The following LDB2 variants were observed in gnomAD, a reference collection of about 807,000 sequenced individuals.
The protein encoded by LDB2 is LIM domain-binding protein 2.
In LDB2, 12 loss-of-function variants were observed where a neutral mutation model predicts 44.3. The ratio of observed to expected loss-of-function variants is 0.27; its 90% confidence interval spans 0.17 to 0.44. LDB2 has a LOEUF of 0.44. Among genes scored for constraint, LDB2 ranks in the 20% least tolerant of loss-of-function variants. LDB2 has a pLI of 1.00. For missense variants in LDB2, 344 were observed against 473.5 expected (o/e 0.73, Z 2.54); for synonymous variants, 164 against 174.8 (o/e 0.94, Z 0.49).
intron 2 of LDB2, among the ~76,000 whole-genome samples, chr4:16,600,262 C>T (rs910706226): frequency 6.6e-6 from 1 of 152,074 alleles, no homozygotes; most frequent in Non-Finnish European, 1.5e-5. Context: ...ATACTTTAAT[C>T]CCTGGAATTA....
intron 1 of LDB2, among the ~76,000 whole-genome samples, chr4:16,768,138 A>G (rs1411164481): frequency 1.3e-5 from 2 of 152,160 alleles, no homozygotes; most frequent in Non-Finnish European, 2.9e-5. Flanking sequence ...TGTGGTACAC[A>G]TACACCCCCT....
chr4:16,548,933 A>C (rs1736717802), intron 5 of LDB2, among the ~76,000 whole-genome samples: 1 of 152,268 alleles, frequency 6.6e-6, no homozygotes, highest in South Asian at 2.1e-4. Flanking sequence ...AGAGCATAGA[A>C]CAAGACCCCA....
At chr4:16,676,925 C>T (rs946407880) in intron 2 of LDB2, among the ~76,000 whole-genome samples, 2 of 152,060 alleles carry the variant, frequency 1.3e-5, no homozygotes, top group Non-Finnish European at 2.9e-5. Flanking sequence ...CAGTCAGGTG[C>T]CAGATGGTGA....
intron 2 of LDB2, among the ~76,000 whole-genome samples, chr4:16,676,597 G>T (rs1180054834): frequency 6.6e-6 from 1 of 152,136 alleles, no homozygotes; most frequent in African/African-American, 2.4e-5. Context: ...CTACAAACAG[G>T]GCAATGTACT....
At chr4:16,859,891 C>T (rs1381257652) in intron 1 of LDB2, among the ~76,000 whole-genome samples, 8 of 152,160 alleles carry the variant, frequency 5.3e-5, no homozygotes, top group Admixed American at 4.6e-4. Context: ...AGGCACTATG[C>T]AAAACGCTTA....
chr4:16,775,177 A>G (rs969166453), intron 1 of LDB2, among the ~76,000 whole-genome samples: 1 of 152,100 alleles, frequency 6.6e-6, no homozygotes, highest in Non-Finnish European at 1.5e-5. Context: ...ATTATACCTC[A>G]CTCTTAATTG....
intron 7 of LDB2, among the ~76,000 whole-genome samples, chr4:16,507,528 AG>A (rs932006012): frequency 1.3e-5 from 2 of 152,198 alleles, no homozygotes; most frequent in African/African-American, 4.8e-5. Context: ...GAGAGCAAGA[AG>A]GGTGAGGGGG....
chr4:16,816,197 T>C (rs1370385720), intron 1 of LDB2, among the ~76,000 whole-genome samples: 1 of 152,024 alleles, frequency 6.6e-6, no homozygotes, highest in Non-Finnish European at 1.5e-5. Flanking sequence ...AGAGCAAGAC[T>C]CTGTCTCCAA....
intron 1 of LDB2, among the ~76,000 whole-genome samples, chr4:16,835,582 T>C (rs79703308): frequency 6.6e-6 from 1 of 152,220 alleles, no homozygotes; most frequent in Non-Finnish European, 1.5e-5. Flanking sequence ...TAAGTGTCCC[T>C]GTAGATATAA....
At chr4:16,742,609 G>A (rs1002062133) in intron 2 of LDB2, among the ~76,000 whole-genome samples, 1 of 152,036 alleles carries the variant, frequency 6.6e-6, no homozygotes, top group Admixed American at 6.5e-5. Flanking sequence ...AGGATTCAAC[G>A]CACCACATTC....
chr4:16,512,329 TACACACACAG>T lies in LDB2; in HGVS notation c.616-235_616-226del, dbSNP rs377340402. On this transcript the variant is annotated intron_variant, in intron 5 of 7. Coordinates refer to ENST00000304523, the MANE Select transcript of LDB2 (RefSeq NM_001290.5). ...TACAGCTGAATGTGATTCACACGGA[TACACACACAG>T]ACACACACAAACACACACATATACG... 421 of 453,854 alleles carry T rather than the reference TACACACACAG, an allele frequency of 9.3e-4. 2 individuals are homozygous for T. Among genetic ancestry groups the T allele is most frequent in the African/African-American group, 7.5e-3 (385 of 51,156 alleles). The allele number at this position is 453,854 out of a possible 1,614,324, so 28.1% of individuals were successfully genotyped here. A position where few individuals can be genotyped will look rare whatever the true frequency, so the allele number is the denominator to read the frequency against.
At chr4:16,843,029 C>G (rs1406591761) in intron 1 of LDB2, among the ~76,000 whole-genome samples, 1 of 152,130 alleles carries the variant, frequency 6.6e-6, no homozygotes, top group Non-Finnish European at 1.5e-5. Flanking sequence ...GACAGTCTTA[C>G]CACGCAGCCA....
chr4:16,773,532 T>C (rs955334041), intron 1 of LDB2, among the ~76,000 whole-genome samples: 1 of 151,948 alleles, frequency 6.6e-6, no homozygotes, highest in East Asian at 1.9e-4. Context: ...ACAATAGGGT[T>C]TGTGCTCCTA....
rs1477735827 is a variant in LDB2 at position 16,652,518 on chromosome 4, C to G, written c.236-56643G>C. On this transcript the variant is annotated intron_variant, in intron 2 of 7. Transcript: ENST00000304523. ...GATAGATATTTAGCCCGTCCTGGTCCTAATGGACTTCTGCCACCCCATTTG... is the reference window on the plus strand; with the variant it reads ...GATAGATATTTAGCCCGTCCTGGTCGTAATGGACTTCTGCCACCCCATTTG... Among the ~76,000 whole-genome samples the G allele has an allele frequency of 2.6e-5, 4 of 152,170 alleles. No individual in the cohort carries two copies. In the East Asian group the frequency reaches 7.7e-4, roughly 29 times the overall value.
intron 6 of LDB2, among the ~76,000 whole-genome samples, chr4:16,510,162 C>T (rs564097381): frequency 5.3e-5 from 8 of 152,262 alleles, no homozygotes; most frequent in African/African-American, 1.9e-4. Flanking sequence ...ACACCTATGC[C>T]ACTTCTGGTG....
At chr4:16,606,257 A>G (rs766247194) in intron 2 of LDB2, among the ~76,000 whole-genome samples, 4 of 152,322 alleles carry the variant, frequency 2.6e-5, no homozygotes, top group South Asian at 2.1e-4. Context: ...TTGATTTTAA[A>G]TGCAGCATTG....
At chr4:16,784,998 T>C (rs964193449) in intron 1 of LDB2, among the ~76,000 whole-genome samples, 8 of 95,854 alleles carry the variant, frequency 8.3e-5, no homozygotes, top group South Asian at 1.3e-3. Context: ...TGCTCTATAA[T>C]TGAAGAACAG....
At chr4:16,791,294 C>T (rs1174559298) in intron 1 of LDB2, among the ~76,000 whole-genome samples, 2 of 152,096 alleles carry the variant, frequency 1.3e-5, no homozygotes, top group Admixed American at 6.5e-5. Context: ...GGGTGACTCA[C>T]ACCTGTAATC....
intron 2 of LDB2, among the ~76,000 whole-genome samples, chr4:16,755,955 C>A (rs1766549393): frequency 6.6e-6 from 1 of 152,232 alleles, no homozygotes; most frequent in South Asian, 2.1e-4. Context: ...TCAGTAGCTT[C>A]CACCTGCCCA....
Sources: allele counts gnomAD v4.1 joint callset (sites outside exome capture counted in the v4.1 genomes callset), GRCh38; gene constraint gnomAD v4.1.1; transcripts MANE v1.5; gene names NCBI Gene and HGNC (gene_info 2026-07-23, HGNC 2026-07-21).